TRAPPC9: variants seen among roughly 807,000 people sequenced by gnomAD.
TRAPPC9 encodes the protein IKK2 binding protein.
In TRAPPC9, 83 loss-of-function variants were observed where a neutral mutation model predicts 124.0. That is an observed-to-expected ratio of 0.67 (90% CI 0.56 to 0.80). The LOEUF is 0.80. Ranked by LOEUF, TRAPPC9 falls within the 30% of genes least tolerant of loss-of-function variation. The probability of loss-of-function intolerance (pLI) is 0.00; values close to 1 mark genes in which losing one functional copy is unlikely to be tolerated. For synonymous variants in TRAPPC9, 638 were observed against 617.5 expected (o/e 1.03, Z -0.49); for missense variants, 1,302 against 1,508.3 (o/e 0.86, Z 2.27).
intron 17 of TRAPPC9, among the ~76,000 whole-genome samples, chr8:140,054,454 T>C (rs1842188280): frequency 6.6e-6 from 1 of 151,946 alleles, no homozygotes; most frequent in Non-Finnish European, 1.5e-5. Context: ...TAAACACCTG[T>C]AATAAAAAAG....
At chr8:139,859,021 TC>T (rs1827972954) in intron 21 of TRAPPC9, among the ~76,000 whole-genome samples, 1 of 151,146 alleles carries the variant, frequency 6.6e-6, no homozygotes, top group Non-Finnish European at 1.5e-5. Context: ...GGGTTCTCCC[TC>T]CTTTCCCACA....
intron 19 of TRAPPC9, among the ~76,000 whole-genome samples, chr8:139,957,672 AG>A (rs1473687049): frequency 1.3e-5 from 2 of 152,202 alleles, no homozygotes; most frequent in Non-Finnish European, 2.9e-5. Flanking sequence ...CTGGCCCAGA[AG>A]GCCCGGCACC....
intron 20 of TRAPPC9, among the ~76,000 whole-genome samples, chr8:139,899,921 A>C (rs562053716): frequency 2.0e-5 from 3 of 152,264 alleles, no homozygotes; most frequent in Admixed American, 6.5e-5. Context: ...TCTTGTGCCT[A>C]ATTTCCAAAG....
Position 140,439,036 on chromosome 8 carries a change from C to T in TRAPPC9, c.730+16G>A, listed in dbSNP as rs560757585. On this transcript the variant is annotated intron_variant, in intron 3 of 22. Coordinates refer to ENST00000438773, the MANE Select transcript of TRAPPC9 (RefSeq NM_001160372.4). ...AAACAATTACATATCAGATCATCTT[C>T]ATCAGCTCATCTTACCTCCAAGCCA... 11 of 1,613,968 alleles carry T rather than the reference C, an allele frequency of 6.8e-6. No homozygotes were observed. The highest frequency in any genetic ancestry group is 9.3e-6 in the Non-Finnish European group (11 of 1,179,868).
rs146482878 is a variant in TRAPPC9, at chr8:139,792,904, C to T, written c.3056-60702G>A. Among the ~76,000 whole-genome samples, 242 of 152,364 alleles carry T rather than the reference C, an allele frequency of 1.6e-3. 7 individuals carry two copies. The South Asian group carries it at 0.046, about 29-fold the overall frequency. On this transcript the variant is annotated intron_variant, in intron 21 of 22. Transcript: ENST00000438773. ...AAGCAAGAGGAATACAGGGTCTCCA[C>T]GGGCCATCTTCTGTCAAGGGACGGA...
At chr8:139,871,828 C>T (rs758114047) in intron 21 of TRAPPC9, among the ~76,000 whole-genome samples, 3 of 151,754 alleles carry the variant, frequency 2.0e-5, no homozygotes, top group East Asian at 1.9e-4. Flanking sequence ...GACTGATGAG[C>T]GGATAGGTGG....
At chr8:139,933,290 T>C (rs967962688) in intron 19 of TRAPPC9, 3 of 152,248 alleles carry the variant, frequency 2.0e-5, no homozygotes, top group African/African-American at 7.2e-5. Flanking sequence ...AGCGCATGAA[T>C]ACGTGTTGAA....
At chr8:140,420,723 A>G (rs542560941) in intron 5 of TRAPPC9, among the ~76,000 whole-genome samples, 2 of 152,304 alleles carry the variant, frequency 1.3e-5, no homozygotes, top group Non-Finnish European at 2.9e-5. Flanking sequence ...AGATAAACAA[A>G]TATCTAGTGA....
intron 19 of TRAPPC9, among the ~76,000 whole-genome samples, chr8:139,917,164 T>TA (rs1210691487): frequency 3.5e-4 from 46 of 132,478 alleles, no homozygotes; most frequent in African/African-American, 1.4e-3. Flanking sequence ...TCATTATTAT[T>TA]TTCTTTTTTT....
chr8:140,019,422 A>C (rs1471429344), intron 18 of TRAPPC9, among the ~76,000 whole-genome samples: 3 of 152,060 alleles, frequency 2.0e-5, no homozygotes, highest in Non-Finnish European at 2.9e-5. Flanking sequence ...GAGTAGAGCC[A>C]TCTGGGCCTA....
At chr8:139,915,893 T>C (rs1183493271) in intron 19 of TRAPPC9, among the ~76,000 whole-genome samples, 1 of 152,216 alleles carries the variant, frequency 6.6e-6, no homozygotes, top group East Asian at 1.9e-4. Flanking sequence ...AGAAGCATAC[T>C]TGTTGGGTCA....
chr8:140,420,092 C>T (rs2070149365), intron 5 of TRAPPC9, among the ~76,000 whole-genome samples: 1 of 151,920 alleles, frequency 6.6e-6, no homozygotes, highest in Non-Finnish European at 1.5e-5. Flanking sequence ...GAAAACAATT[C>T]CATTTACAAT....
chr8:139,812,903 C>T (rs146116658), intron 21 of TRAPPC9, among the ~76,000 whole-genome samples: 8 of 152,272 alleles, frequency 5.3e-5, no homozygotes, highest in East Asian at 1.9e-4. Flanking sequence ...TTAAAAACAC[C>T]GAGTGTGTGA....
chr8:140,118,858 G>A (rs940855807), intron 17 of TRAPPC9, among the ~76,000 whole-genome samples: 2 of 152,198 alleles, frequency 1.3e-5, no homozygotes, highest in Non-Finnish European at 2.9e-5. Flanking sequence ...GGCTGGTTCT[G>A]AGGACTCTCC....
At chr8:140,007,850 T>G (rs1202644457) in intron 18 of TRAPPC9, among the ~76,000 whole-genome samples, 2 of 152,186 alleles carry the variant, frequency 1.3e-5, no homozygotes, top group East Asian at 3.8e-4. Flanking sequence ...AATTCTTGCT[T>G]TTAATAGTAA....
intron 20 of TRAPPC9, among the ~76,000 whole-genome samples, chr8:139,887,094 A>C (rs1042050503): frequency 6.6e-6 from 1 of 152,146 alleles, no homozygotes; most frequent in Non-Finnish European, 1.5e-5. Context: ...CCAGACAAGA[A>C]GGCTGCCCAA....
intron 4 of TRAPPC9, among the ~76,000 whole-genome samples, chr8:140,433,438 A>C (rs1046496388): frequency 6.6e-6 from 1 of 152,110 alleles, no homozygotes; most frequent in African/African-American, 2.4e-5. Flanking sequence ...AAATTTACAA[A>C]AATTAGCCAG....
Position 140,444,878 on chromosome 8 carries a change from A to AAAAAAAAAC in TRAPPC9, c.585-5682_585-5681insGTTTTTTTT, listed in dbSNP as rs1484824017. On this transcript the variant is annotated intron_variant, in intron 2 of 22. Coordinates refer to ENST00000438773, the MANE Select transcript of TRAPPC9 (RefSeq NM_001160372.4). ...AACTCCAATCTCAGGAAAAAAAAAAAAAACAGGATCTGGGCTGTCCTCCAG... is the reference window on the plus strand; with the variant it reads ...AACTCCAATCTCAGGAAAAAAAAAAAAAAAAAAACAAACAGGATCTGGGCTGTCCTCCAG... Among the ~76,000 whole-genome samples the AAAAAAAAAC allele has an allele frequency of 2.2e-3, 304 of 141,082 alleles. 4 individuals carry two copies. Among genetic ancestry groups the AAAAAAAAAC allele is most frequent in the African/African-American group, 7.4e-3 (289 of 38,902 alleles). The allele number at this position is 141,082 out of a possible 152,430, so 92.6% of individuals were successfully genotyped here.
At chr8:140,152,616 C>T (rs1270370485) in intron 17 of TRAPPC9, among the ~76,000 whole-genome samples, 2 of 152,036 alleles carry the variant, frequency 1.3e-5, no homozygotes, top group African/African-American at 4.8e-5. Flanking sequence ...GATCCACCCG[C>T]CTCGGCCTCC....
Sources: gnomAD v4.1 joint callset for allele counts (sites outside exome capture counted in the v4.1 genomes callset) on GRCh38, gnomAD v4.1.1 for gene constraint, MANE v1.5 for transcripts, NCBI Gene and HGNC (gene_info 2026-07-23, HGNC 2026-07-21) for gene names.